Variants in LILRB3 observed in about 807,000 individuals in gnomAD.
LILRB3 encodes leukocyte immunoglobulin-like receptor subfamily B member 3.
Under a neutral mutation model 68.2 loss-of-function variants are expected in LILRB3, and 32 were observed. The observed-to-expected ratio is 0.47, with a 90% CI of 0.35 to 0.63. LILRB3 has a LOEUF of 0.63. LILRB3 is among the 30% of genes least tolerant of loss of function. LILRB3 has a pLI of 0.00. For missense variants in LILRB3, 502 were observed against 791.3 expected, an observed-to-expected ratio of 0.63 and a Z score of 4.39; for synonymous variants, 185 against 323.1, an observed-to-expected ratio of 0.57 and a Z score of 4.58.
rs539251404 is a variant in LILRB3 at position 54,216,870 on chromosome 19, T to C, written c.*223A>G. The stretch of plus-strand genomic sequence containing the variant: ...TTTTTGTTTTTTGTTTTTTTGTTAT[T>C]AACTCATTGATTGTTGAGAAGTCTG... On this transcript the variant is annotated 3_prime_UTR_variant, in exon 13 of 13. Transcript: ENST00000445347. 2.2e-4 allele frequency: 309 copies of C among 1,427,036 alleles called. 1 individual carries two copies. The highest frequency in any genetic ancestry group is 5.1e-4 in the Middle Eastern group (2 of 3,900). The allele number at this position is 1,427,036 out of a possible 1,614,324, so 88.4% of individuals were successfully genotyped here.
chr19:54,221,239 G>T (rs1482270588), exon 5 of LILRB3: 2 of 1,588,360 alleles, frequency 1.3e-6, no homozygotes, highest in Non-Finnish European at 1.7e-6. Context: ...TGGCCAGGGC[G>T]CTGGAGGAAG....
chr19:54,219,183 G>T (rs767747045), exon 8 of LILRB3: 3 of 1,609,148 alleles, frequency 1.9e-6, no homozygotes, highest in Admixed American at 3.4e-5. Flanking sequence ...AAGAGGAGGA[G>T]GAAGAGCAGC....
At chr19:54,219,280 C>A (rs753650614) in intron 7 of LILRB3, 35 bp from the exon 8 acceptor site, 3 of 1,520,888 alleles carry the variant, frequency 2.0e-6, no homozygotes, top group Non-Finnish European at 2.6e-6. Flanking sequence ...GGAATGATGT[C>A]ATTGATGTGA....
At chr19:54,218,300 C>A in intron 11 of LILRB3, 61 bp downstream of exon 11, 2 of 1,603,702 alleles carry the variant, frequency 1.2e-6, no homozygotes, top group Non-Finnish European at 1.7e-6. Flanking sequence ...ACAGAGAAGT[C>A]CTGCAGGATT....
chr19:54,218,936 G>C, intron 8 of LILRB3, 98 bp from the exon 9 acceptor site: 52 of 1,572,030 alleles, frequency 3.3e-5, no homozygotes, highest in Non-Finnish European at 4.5e-5. Context: ...AAATATTCCT[G>C]CATGGATGTT....
chr19:54,222,669 C>G lies in LILRB3; in HGVS notation c.70+78G>C, dbSNP rs1423594349. ...CCCATCAGTCACCCAGAACTACTGT[C>G]TCCTCCCCCAGCTGCCCATGGGTGG... is the stretch of plus-strand genomic sequence containing the variant. On this transcript the variant is annotated intron_variant, in intron 2 of 12. Transcript: ENST00000445347. 15 of 1,612,386 alleles carry G rather than the reference C, an allele frequency of 9.3e-6. No homozygotes were observed. The East Asian group carries it at 3.3e-4, about 36-fold the overall frequency.
chr19:54,216,706 C>T (rs2077504173), exon 13 of LILRB3: 1 of 1,058,124 alleles, frequency 9.5e-7, no homozygotes, highest in Non-Finnish European at 1.1e-6. Flanking sequence ...TTTTTAGAGA[C>T]AAGGTCTCGC....
exon 11 of LILRB3, chr19:54,218,399 C>G: frequency 1.9e-6 from 3 of 1,614,178 alleles, no homozygotes; most frequent in East Asian, 2.2e-5. Context: ...GACTGTGTGT[C>G]CTTCACAGCA....
chr19:54,219,211 GA>G lies in LILRB3; in HGVS notation c.1343del (p.Val448AlafsTer52). The G allele has an allele frequency of 3.1e-6, 5 of 1,601,516 alleles. No individual in the cohort carries two copies. Among genetic ancestry groups the G allele is most frequent in the Non-Finnish European group, 4.3e-6 (5 of 1,174,938 alleles). ...AGAGCAGCAGGACGAAGGCCACCGAGACCCCAATCAAAACCTCCAGGTATCT... is the reference window on the plus strand; with the variant it reads ...AGAGCAGCAGGACGAAGGCCACCGAGCCCCAATCAAAACCTCCAGGTATCT... On this transcript the variant is annotated frameshift_variant, in exon 8 of 13. Coordinates refer to ENST00000445347, the Ensembl canonical transcript of LILRB3. LOFTEE classifies it high-confidence loss of function.
chr19:54,218,685 G>A lies in LILRB3; in HGVS notation c.1503-3C>T, dbSNP rs1259646622. ...GGACGTCAGCAGCTGGGCTGGACCT[G>A]GAGGAGGACATGGGAGTGTGAGGGG... On this transcript the variant is annotated splice_polypyrimidine_tract_variant and splice_region_variant and intron_variant, in intron 9 of 12. Coordinates refer to ENST00000445347, the Ensembl canonical transcript of LILRB3. The A allele has an allele frequency of 6.8e-6, 11 of 1,614,200 alleles. No individual in the cohort carries two copies. Among genetic ancestry groups the A allele is most frequent in the Admixed American group, 1.7e-5 (1 of 60,026 alleles).
exon 8 of LILRB3, chr19:54,219,233 T>A (rs1405028009): frequency 6.3e-7 from 1 of 1,580,084 alleles, no homozygotes; most frequent in South Asian, 1.2e-5. Context: ...AACCTCCAGG[T>A]ATCTTCCCAG....
In LILRB3 at chr19:54,219,956, T is replaced by C. The variant is rs182181985; in HGVS notation, c.1309+199A>G. On this transcript the variant is annotated intron_variant, in intron 7 of 12. Coordinates refer to ENST00000445347, the Ensembl canonical transcript of LILRB3. The stretch of plus-strand genomic sequence containing the variant: ...CAGGGAGGTGAAGGCTGGGGCTGTC[T>C]TGCCCCCCACATCAGCCCGGCTCCT... 6,363 of 1,330,466 alleles carry C rather than the reference T, an allele frequency of 4.8e-3. 498 individuals are homozygous for C. In the African/African-American group the frequency reaches 0.082, roughly 17 times the overall value. The allele number at this position is 1,330,466 out of a possible 1,614,324, so 82.4% of individuals were successfully genotyped here.
At chr19:54,219,347 C>G in intron 7 of LILRB3, 102 bp from the exon 8 acceptor site, 19 of 1,478,622 alleles carry the variant, frequency 1.3e-5, no homozygotes, top group Non-Finnish European at 1.7e-5. Flanking sequence ...CCAACCCTCA[C>G]AAGCAGTCGT....
intron 10 of LILRB3, 70 bp from the exon 11 acceptor site, chr19:54,218,483 C>G (rs368067314): frequency 2.1e-5 from 33 of 1,607,866 alleles, no homozygotes; most frequent in East Asian, 4.5e-5. Flanking sequence ...GCCCCCTGCC[C>G]TGCTCCCAGA....
chr19:54,220,613 C>T lies in LILRB3; in HGVS notation c.1173G>A (p.Ala391=), dbSNP rs774597233. The T allele has an allele frequency of 1.9e-4, 286 of 1,516,102 alleles. 66 individuals are homozygous for T. The Admixed American group carries it at 5.1e-3, about 27-fold the overall frequency. 93.9% of individuals were successfully genotyped at this position (1,516,102 alleles called of 1,614,324 possible). Residue 391 remains alanine, a synonymous_variant, in exon 6 of 13, where the codon GCG becomes GCA. Transcript: ENST00000445347. ...GTGAGCCGTAGCACCTGTAGGTCCC[C>T]GCGTGGGCTGAGGTCACAGGACTCA...
chr19:54,216,477 T>C (rs1446678308), exon 13 of LILRB3: 2 of 293,194 alleles, frequency 6.8e-6, no homozygotes, highest in Non-Finnish European at 5.1e-6. Context: ...GCCCGGCTAA[T>C]TTTTTTGTAT....
At chr19:54,217,169 G>A in exon 13 of LILRB3, 2 of 1,613,922 alleles carry the variant, frequency 1.2e-6, no homozygotes, top group South Asian at 1.1e-5. Flanking sequence ...AGGCTCAGTT[G>A]CCTTCCGTCT....
chr19:54,218,990 A>G (rs779493909), intron 8 of LILRB3, 139 bp downstream of exon 8: 23 of 1,524,498 alleles, frequency 1.5e-5, no homozygotes, highest in Non-Finnish European at 1.9e-5. Context: ...TGAATACTGA[A>G]GTTTGTAAAT....
intron 7 of LILRB3, chr19:54,219,484 T>G: frequency 6.5e-7 from 1 of 1,549,908 alleles, no homozygotes; most frequent in South Asian, 1.2e-5. Context: ...CCCGGGAGTC[T>G]GACCTGCAGC....
Sources: gnomAD v4.1 joint callset for allele counts on GRCh38, gnomAD v4.1.1 for gene constraint, MANE v1.5 for transcripts, NCBI Gene and HGNC (gene_info 2026-07-23, HGNC 2026-07-21) for gene names.